TNIK: variants seen among roughly 807,000 people sequenced by gnomAD.
TNIK encodes the protein TRAF2 and NCK interacting kinase.
Under a neutral mutation model 191.3 loss-of-function variants are expected in TNIK, and 49 were observed. The observed-to-expected ratio is 0.26, with a 90% CI of 0.20 to 0.32. The LOEUF (loss-of-function observed/expected upper bound fraction) is 0.32. Among genes scored for constraint, TNIK ranks in the 10% least tolerant of loss-of-function variants. TNIK has a pLI of 1.00. For synonymous variants in TNIK, 594 were observed against 600.9 expected, an observed-to-expected ratio of 0.99 and a Z score of 0.17; for missense variants, 1,155 against 1,702.3, an observed-to-expected ratio of 0.68 and a Z score of 5.66.
chr3:171,189,385 T>A (rs1737751438), intron 6 of TNIK, among the ~76,000 whole-genome samples: 1 of 152,162 alleles, frequency 6.6e-6, no homozygotes, highest in Middle Eastern at 3.2e-3. Context: ...TTAAACTGCA[T>A]GAGAAATGGA....
At chr3:171,133,751 C>T (rs923708710) in intron 15 of TNIK, among the ~76,000 whole-genome samples, 3 of 152,054 alleles carry the variant, frequency 2.0e-5, no homozygotes, top group African/African-American at 7.2e-5. Context: ...TATAAACTAA[C>T]TAATATAAAA....
At chr3:171,346,421 C>T (rs973410281) in intron 2 of TNIK, among the ~76,000 whole-genome samples, 2 of 152,070 alleles carry the variant, frequency 1.3e-5, no homozygotes, top group African/African-American at 2.4e-5. Flanking sequence ...ATACACCTTG[C>T]GCATGTCATC....
intron 1 of TNIK, among the ~76,000 whole-genome samples, chr3:171,391,292 G>T (rs1028514439): frequency 2.6e-5 from 4 of 152,194 alleles, no homozygotes; most frequent in African/African-American, 9.7e-5. Context: ...ATCAATGTTT[G>T]TCAGTCTAAA....
intron 24 of TNIK, 58 bp from the exon 25 acceptor site, chr3:171,085,287 C>T: frequency 6.8e-7 from 1 of 1,460,434 alleles, no homozygotes; most frequent in Non-Finnish European, 9.3e-7. Flanking sequence ...AATAACAATG[C>T]TAACAATACT....
chr3:171,320,368 G>A (rs1450010966), intron 2 of TNIK, among the ~76,000 whole-genome samples: 1 of 152,048 alleles, frequency 6.6e-6, no homozygotes, highest in African/African-American at 2.4e-5. Context: ...ACAAATAAAA[G>A]ATTACATCCA....
chr3:171,395,259 A>C (rs767147635), intron 1 of TNIK, among the ~76,000 whole-genome samples: 12 of 152,188 alleles, frequency 7.9e-5, no homozygotes, highest in Non-Finnish European at 1.8e-4. Context: ...TCCCTCGCTA[A>C]CTGGCTCTTT....
intron 28 of TNIK, 21 bp from the exon 29 acceptor site, chr3:171,071,344 G>GAAAAA: frequency 6.7e-7 from 1 of 1,495,688 alleles, no homozygotes; most frequent in Admixed American, 2.0e-5. Flanking sequence ...AAAATTATGA[G>GAAAAA]TGAAAAAGTA....
chr3:171,086,448 G>T (rs902238920), intron 24 of TNIK, among the ~76,000 whole-genome samples: 3 of 152,162 alleles, frequency 2.0e-5, no homozygotes, highest in African/African-American at 7.2e-5. Context: ...CAATCTTATG[G>T]TGTCCTCCTT....
At chr3:171,354,276 T>C (rs1392525746) in intron 2 of TNIK, among the ~76,000 whole-genome samples, 3 of 152,168 alleles carry the variant, frequency 2.0e-5, no homozygotes, top group African/African-American at 7.2e-5. Context: ...AAAGGGGATT[T>C]TCTCCCCTGT....
intron 1 of TNIK, among the ~76,000 whole-genome samples, chr3:171,374,882 T>C (rs1717007478): frequency 6.6e-6 from 1 of 152,192 alleles, no homozygotes; most frequent in Non-Finnish European, 1.5e-5. Flanking sequence ...ATGCTATCAT[T>C]ATCTTTGTTT....
intron 2 of TNIK, among the ~76,000 whole-genome samples, chr3:171,298,064 T>C (rs976602079): frequency 5.3e-5 from 8 of 152,194 alleles, no homozygotes; most frequent in Non-Finnish European, 8.8e-5. Context: ...CCTCTGATGA[T>C]TTAGGATGGT....
At chr3:171,179,156 A>G (rs971618025) in intron 7 of TNIK, among the ~76,000 whole-genome samples, 12 of 152,192 alleles carry the variant, frequency 7.9e-5, no homozygotes, top group Non-Finnish European at 1.5e-4. Flanking sequence ...CACCTTCACA[A>G]CACCATCATT....
chr3:171,328,058 C>CA (rs1301643018), intron 2 of TNIK, among the ~76,000 whole-genome samples: 1 of 152,118 alleles, frequency 6.6e-6, no homozygotes, highest in Admixed American at 6.5e-5. Context: ...GTCTGCACCC[C>CA]AAAATTCTTA....
At chr3:171,120,494 T>C (rs968929773) in intron 18 of TNIK, among the ~76,000 whole-genome samples, 15 of 152,114 alleles carry the variant, frequency 9.9e-5, no homozygotes, top group Non-Finnish European at 2.2e-4. Context: ...CTAATTTTTG[T>C]ATTTTTAGTA....
intron 28 of TNIK, among the ~76,000 whole-genome samples, chr3:171,071,671 C>G (rs573831102): frequency 6.6e-6 from 1 of 152,204 alleles, no homozygotes; most frequent in Non-Finnish European, 1.5e-5. Context: ...CTGGCTTTTA[C>G]GTTCACCCAT....
chr3:171,255,307 C>T (rs1310193809), intron 2 of TNIK, among the ~76,000 whole-genome samples: 3 of 152,164 alleles, frequency 2.0e-5, no homozygotes, highest in Non-Finnish European at 4.4e-5. Flanking sequence ...GAAAATCTAT[C>T]CCTCTACTCC....
intron 2 of TNIK, among the ~76,000 whole-genome samples, chr3:171,272,102 C>T (rs1420210761): frequency 1.3e-5 from 2 of 152,158 alleles, no homozygotes; most frequent in Non-Finnish European, 2.9e-5. Context: ...GTGATGACAG[C>T]GAGAGAAAAG....
intron 2 of TNIK, among the ~76,000 whole-genome samples, chr3:171,296,981 T>C (rs1484658678): frequency 6.6e-6 from 1 of 152,228 alleles, no homozygotes; most frequent in African/African-American, 2.4e-5. Context: ...TTTTTTTTCC[T>C]TCTACCTTCA....
At chr3:171,194,216 T>A (rs1331574371) in intron 5 of TNIK, among the ~76,000 whole-genome samples, 1 of 152,186 alleles carries the variant, frequency 6.6e-6, no homozygotes, top group Non-Finnish European at 1.5e-5. Flanking sequence ...CTTTATGATC[T>A]AAAATCAGGT....
Sources: gnomAD v4.1 joint callset for allele counts (sites outside exome capture counted in the v4.1 genomes callset) on GRCh38, gnomAD v4.1.1 for gene constraint, MANE v1.5 for transcripts, NCBI Gene and HGNC (gene_info 2026-07-23, HGNC 2026-07-21) for gene names.